Variants in GSS observed in about 807,000 individuals in gnomAD.
GSS encodes GSH synthetase.
Under a neutral mutation model 60.4 loss-of-function variants are expected in GSS, and 34 were observed. The observed-to-expected ratio is 0.56, with a 90% confidence interval of 0.43 to 0.75. GSS has a LOEUF of 0.75. GSS is among the 30% of genes least tolerant of loss of function. GSS has a pLI of 0.00. For missense variants in GSS, 499 were observed against 595.1 expected (o/e 0.84, Z 1.68); for synonymous variants, 224 against 239.0 (o/e 0.94, Z 0.58).
chr20:34,931,550 G>A (rs2081401887), intron 10 of GSS, 133 bp from the exon 11 acceptor site: 1 of 754,964 alleles, frequency 1.3e-6, no homozygotes, highest in Non-Finnish European at 2.4e-6. Flanking sequence ...CTTCAGGCAG[G>A]ATGCTACTAT....
Position 34,931,343 on chromosome 20 carries a change from C to A in GSS, c.1104G>T (p.Glu368Asp), listed in dbSNP as rs1258166126. The change falls in exon 11 of 13, where the codon GAG becomes GAT. Residue 368 changes from glutamate (E) to aspartate (D), a missense_variant. By Grantham distance (45) the Glu-to-Asp change is conservative. Coordinates refer to ENST00000651619, the MANE Select transcript of GSS (RefSeq NM_000178.4). ...PSRFVLKPQR[E>D]GGGNNLYGEE... Reference sequence around the variant, plus strand: ...AAAGGGAGATCCACCTACCTCCACCCTCTCTCTGGGGCTTTAGCACAAACC... The same window carrying A: ...AAAGGGAGATCCACCTACCTCCACCATCTCTCTGGGGCTTTAGCACAAACC... 6.2e-7 allele frequency: 1 copy of A among 1,613,694 alleles called. No homozygotes were observed. The highest frequency in any genetic ancestry group is 8.5e-7 in the Non-Finnish European group (1 of 1,179,550).
chr20:34,946,398 T>C (rs968076694), intron 2 of GSS, among the ~76,000 whole-genome samples: 6 of 152,234 alleles, frequency 3.9e-5, no homozygotes, highest in Non-Finnish European at 1.5e-5. Context: ...TTAAATACTT[T>C]ACATAGATTC....
At position 34,928,566 on chromosome 20, in the gene GSS, C is replaced by T. The variant is rs1311069789; in HGVS notation, c.*262G>A. 2 of 549,422 alleles carry T rather than the reference C, an allele frequency of 3.6e-6. No homozygotes were observed. The highest frequency in any genetic ancestry group is 2.0e-5 in the South Asian group (1 of 49,286). The allele number at this position is 549,422 out of a possible 1,614,324, so 34.0% of individuals were successfully genotyped here. A position where few individuals can be genotyped will look rare whatever the true frequency, so the allele number is the denominator to read the frequency against. The stretch of plus-strand genomic sequence containing the variant: ...GCTGAAAAGGCTGATGAGGGGCTGA[C>T]AGGAGTGGGGCAGGGTTCATGGACC... On this transcript the variant is annotated 3_prime_UTR_variant, in exon 13 of 13. Coordinates refer to ENST00000651619, the MANE Select transcript of GSS (RefSeq NM_000178.4).
At chr20:34,952,971 C>A (rs931910645) in intron 1 of GSS, 4 of 152,206 alleles carry the variant, frequency 2.6e-5, no homozygotes, top group Non-Finnish European at 5.9e-5. Context: ...CATTTATCAT[C>A]AAAGCACCAA....
At position 34,928,936 on chromosome 20, in the gene GSS, G is replaced by A. The variant is rs766546361; in HGVS notation, c.1317C>T (p.Leu439=). 6.2e-6 allele frequency: 10 copies of A among 1,613,144 alleles called. No individual in the cohort carries two copies. In the Admixed American group the frequency reaches 8.3e-5, roughly 13 times the overall value. Reference sequence around the variant, plus strand: ...GATGCCCCACGTGCTTGTTCATCACGAGTGTCTTTTCCTGCCTATAGAAAT... The same window carrying A: ...GATGCCCCACGTGCTTGTTCATCACAAGTGTCTTTTCCTGCCTATAGAAAT... ...FGVYVRQEKT[L]VMNKHVGHLL... is the part of the protein sequence containing the mutation. Residue 439 remains leucine, a synonymous_variant, in exon 13 of 13, where the codon CTC becomes CTT. Coordinates refer to ENST00000651619, the MANE Select transcript of GSS (RefSeq NM_000178.4).
At chr20:34,939,555 G>A (rs1231808417) in intron 6 of GSS, among the ~76,000 whole-genome samples, 2 of 152,196 alleles carry the variant, frequency 1.3e-5, no homozygotes, top group African/African-American at 4.8e-5. Flanking sequence ...ATACTTACCG[G>A]TTGTGTAACT....
intron 2 of GSS, 79 bp from the exon 3 acceptor site, chr20:34,946,177 A>C: frequency 8.0e-7 from 1 of 1,256,160 alleles, no homozygotes; most frequent in Non-Finnish European, 1.1e-6. Flanking sequence ...AATCCCATGG[A>C]AAGTCTGGCC....
chr20:34,947,949 CTTTT>C (rs11429240), intron 2 of GSS, among the ~76,000 whole-genome samples: 1 of 136,012 alleles, frequency 7.4e-6, no homozygotes, highest in African/African-American at 2.7e-5. Flanking sequence ...TTCTCAGCAT[CTTTT>C]TTTTTTTTTT....
chr20:34,945,664 C>T (rs2081515149), intron 3 of GSS, among the ~76,000 whole-genome samples: 2 of 83,208 alleles, frequency 2.4e-5, no homozygotes, highest in Non-Finnish European at 4.6e-5. Flanking sequence ...TCACGGATTA[C>T]AGAATGTCAA....
At chr20:34,935,324 C>G (rs894540813) in intron 9 of GSS, among the ~76,000 whole-genome samples, 4 of 152,212 alleles carry the variant, frequency 2.6e-5, no homozygotes, top group African/African-American at 9.7e-5. Context: ...AAACATTTGC[C>G]AGCACATCTC....
At position 34,947,729 on chromosome 20, in the gene GSS, T is replaced by C. The variant is rs117480422; in HGVS notation, c.130-1631A>G. On this transcript the variant is annotated intron_variant, in intron 2 of 12. Transcript: ENST00000651619. ...TAATTGCTGTATATTATTCTACTCT[T>C]AGGATATACCATAATTTATTGAATC... Among the ~76,000 whole-genome samples the C allele has an allele frequency of 3.9e-3, 596 of 152,308 alleles. 2 individuals carry two copies. Among genetic ancestry groups the C allele is most frequent in the Middle Eastern group, 0.037 (11 of 294 alleles).
chr20:34,928,495 C>G lies in GSS; in HGVS notation c.*333G>C. The G allele has an allele frequency of 2.3e-6, 1 of 439,582 alleles. No homozygotes were observed. The highest frequency in any genetic ancestry group is 2.4e-5 in the South Asian group (1 of 41,704). The allele number at this position is 439,582 out of a possible 1,614,324, so 27.2% of individuals were successfully genotyped here. A position where few individuals can be genotyped will look rare whatever the true frequency, so the allele number is the denominator to read the frequency against. On this transcript the variant is annotated 3_prime_UTR_variant, in exon 13 of 13. Transcript: ENST00000651619. ...GGAAAGGCTATGCCCCTCCACTCCC[C>G]CTCCTCCTACCACTCAGTCCTATCC...
chr20:34,941,308 T>C (rs1455936271), intron 6 of GSS, among the ~76,000 whole-genome samples: 1 of 150,982 alleles, frequency 6.6e-6, no homozygotes, highest in East Asian at 1.9e-4. Flanking sequence ...TAAGCCAAGA[T>C]TGTACCACTG....
intron 12 of GSS, 194 bp from the exon 13 acceptor site, chr20:34,929,145 T>C: frequency 2.7e-6 from 2 of 729,886 alleles, no homozygotes; most frequent in Non-Finnish European, 4.7e-6. Flanking sequence ...GTCCTCTTGG[T>C]GCTATTTGGA....
intron 5 of GSS, among the ~76,000 whole-genome samples, chr20:34,942,096 C>T (rs1172781738): frequency 1.3e-5 from 2 of 152,152 alleles, no homozygotes; most frequent in Non-Finnish European, 2.9e-5. Flanking sequence ...GAGCCCCTTA[C>T]TCTGGGCCTC....
intron 6 of GSS, among the ~76,000 whole-genome samples, chr20:34,941,210 C>T (rs1007303918): frequency 4.6e-5 from 7 of 152,050 alleles, no homozygotes; most frequent in Admixed American, 1.3e-4. Flanking sequence ...CAAAAATTAG[C>T]CAGGTGTGGC....
chr20:34,928,788 A>AAAT lies in GSS; in HGVS notation c.*37_*39dup. 6.2e-7 allele frequency: 1 copy of AAAT among 1,613,182 alleles called. No individual in the cohort carries two copies. The highest frequency in any genetic ancestry group is 8.5e-7 in the Non-Finnish European group (1 of 1,179,204). ...TCAGGAGGGCTAGGAGAGGAATGACAAATACAGAGGATAGAAGGTCCCGTG... is the reference window on the plus strand; with the variant it reads ...TCAGGAGGGCTAGGAGAGGAATGACAAATAATACAGAGGATAGAAGGTCCCGTG... On this transcript the variant is annotated 3_prime_UTR_variant, in exon 13 of 13. Coordinates refer to ENST00000651619, the MANE Select transcript of GSS (RefSeq NM_000178.4).
intron 2 of GSS, among the ~76,000 whole-genome samples, chr20:34,948,847 T>C (rs1414953857): frequency 6.6e-6 from 1 of 152,046 alleles, no homozygotes; most frequent in Non-Finnish European, 1.5e-5. Flanking sequence ...ATGACAAAAT[T>C]CTGCTTTGTA....
rs2081401489 is a variant in GSS, at chr20:34,931,487, G to A, written c.1030-70C>T. Reference sequence around the variant, plus strand: ...GAGGCAAGAAGCTTAGGTCCAGCTGGTTATGCAGAGCAGCATCAGAGGAAG... The same window carrying A: ...GAGGCAAGAAGCTTAGGTCCAGCTGATTATGCAGAGCAGCATCAGAGGAAG... On this transcript the variant is annotated intron_variant, in intron 10 of 12. Transcript: ENST00000651619. 15 of 1,202,216 alleles carry A rather than the reference G, an allele frequency of 1.2e-5. No individual in the cohort carries two copies. In the South Asian group the frequency reaches 1.7e-4, roughly 14 times the overall value. 74.5% of individuals were successfully genotyped at this position (1,202,216 alleles called of 1,614,324 possible). A position where few individuals can be genotyped will look rare whatever the true frequency, so the allele number is the denominator to read the frequency against.
Sources: allele counts gnomAD v4.1 joint callset (sites outside exome capture counted in the v4.1 genomes callset), GRCh38; gene constraint gnomAD v4.1.1; transcripts MANE v1.5; gene names NCBI Gene and HGNC (gene_info 2026-07-23, HGNC 2026-07-21).